The following CTNNA3 variants were observed in gnomAD, a reference collection of about 807,000 sequenced individuals.
CTNNA3 encodes catenin alpha 3.
A neutral mutation model predicts 95.7 loss-of-function variants in CTNNA3; 76 were observed. That is an observed-to-expected ratio of 0.79 (90% CI 0.66 to 0.96). The LOEUF (loss-of-function observed/expected upper bound fraction) is 0.96. CTNNA3 is among the 40% of genes least tolerant of loss of function. The pLI is 0.00. For missense variants in CTNNA3, 1,191 were observed against 1,089.8 expected (o/e 1.09, Z -1.31); for synonymous variants, 431 against 374.4 (o/e 1.15, Z -1.74).
At chr10:67,240,835 G>T (rs753291462) in intron 5 of CTNNA3, among the ~76,000 whole-genome samples, 18 of 151,936 alleles carry the variant, frequency 1.2e-4, no homozygotes, top group African/African-American at 2.4e-4. Context: ...AATGTAGGGG[G>T]GTGTGTGTGC....
intron 1 of CTNNA3, among the ~76,000 whole-genome samples, chr10:67,711,573 A>C (rs7085362): frequency 0.2 from 26,987 of 131,690 alleles, 2,771 homozygotes; most frequent in African/African-American, 0.38. Flanking sequence ...GAAGAAATTT[A>C]TTTATTTATT....
At chr10:67,211,770 G>C (rs918493077) in intron 6 of CTNNA3, among the ~76,000 whole-genome samples, 1 of 152,134 alleles carries the variant, frequency 6.6e-6, no homozygotes, top group Non-Finnish European at 1.5e-5. Flanking sequence ...AAGAGTAATT[G>C]TTGGGAGGGC....
intron 7 of CTNNA3, among the ~76,000 whole-genome samples, chr10:67,078,017 C>T (rs1158685458): frequency 1.3e-5 from 2 of 152,150 alleles, no homozygotes; most frequent in African/African-American, 2.4e-5. Context: ...TTGGATAATT[C>T]TGAGCTAGTA....
intron 5 of CTNNA3, among the ~76,000 whole-genome samples, chr10:67,456,756 A>G (rs1847187664): frequency 6.6e-6 from 1 of 152,160 alleles, no homozygotes; most frequent in African/African-American, 2.4e-5. Context: ...ATAATTTATA[A>G]CACATGTTCT....
chr10:66,805,627 A>G (rs1375061196), intron 7 of CTNNA3, among the ~76,000 whole-genome samples: 2 of 151,858 alleles, frequency 1.3e-5, no homozygotes, highest in East Asian at 3.9e-4. Flanking sequence ...TTTTTCTCAG[A>G]AAATTCAAGC....
At chr10:66,347,197 T>G (rs2092529177) in intron 12 of CTNNA3, among the ~76,000 whole-genome samples, 1 of 152,122 alleles carries the variant, frequency 6.6e-6, no homozygotes, top group Non-Finnish European at 1.5e-5. Context: ...CCAAACATTT[T>G]ATAAGTTTCA....
chr10:67,079,797 G>A (rs1856951337), intron 7 of CTNNA3, among the ~76,000 whole-genome samples: 1 of 151,642 alleles, frequency 6.6e-6, no homozygotes, highest in South Asian at 2.1e-4. Context: ...GCAGTGAGCT[G>A]AGATTGCACC....
intron 10 of CTNNA3, among the ~76,000 whole-genome samples, chr10:66,546,093 T>C (rs2132091631): frequency 6.6e-6 from 1 of 152,022 alleles, no homozygotes; most frequent in Non-Finnish European, 1.5e-5. Flanking sequence ...GGTCCTTAGT[T>C]TTCATGCAGT....
At chr10:66,627,024 A>G (rs1291737929) in intron 9 of CTNNA3, among the ~76,000 whole-genome samples, 1 of 152,112 alleles carries the variant, frequency 6.6e-6, no homozygotes, top group Non-Finnish European at 1.5e-5. Flanking sequence ...TTGAATAGAC[A>G]GTCTTTCCCG....
chr10:66,304,033 A>G (rs569106281), intron 12 of CTNNA3, among the ~76,000 whole-genome samples: 2 of 152,194 alleles, frequency 1.3e-5, no homozygotes, highest in Non-Finnish European at 2.9e-5. Context: ...GATGAAATAT[A>G]TACAACCCAT....
chr10:66,448,616 G>T (rs998020791), intron 11 of CTNNA3, among the ~76,000 whole-genome samples: 14 of 142,360 alleles, frequency 9.8e-5, no homozygotes, highest in Non-Finnish European at 2.0e-4. Context: ...TCATAGGTGG[G>T]AATTGAACAA....
chr10:67,611,985 G>C (rs1843475624), intron 2 of CTNNA3, among the ~76,000 whole-genome samples: 3 of 152,082 alleles, frequency 2.0e-5, no homozygotes, highest in Admixed American at 6.6e-5. Context: ...AAAGTAAAAG[G>C]TACAAACCAG....
intron 13 of CTNNA3, among the ~76,000 whole-genome samples, chr10:66,228,498 A>G (rs2089432590): frequency 6.6e-6 from 1 of 151,930 alleles, no homozygotes; most frequent in African/African-American, 2.4e-5. Flanking sequence ...ATTAATTTCT[A>G]TGTTTATTTC....
intron 11 of CTNNA3, among the ~76,000 whole-genome samples, chr10:66,412,089 A>C (rs1814515576): frequency 6.6e-6 from 1 of 152,200 alleles, no homozygotes; most frequent in Non-Finnish European, 1.5e-5. Context: ...ATCACAATAG[A>C]ACATGAAATC....
intron 17 of CTNNA3, among the ~76,000 whole-genome samples, chr10:65,954,512 G>C (rs552352898): frequency 6.6e-5 from 10 of 152,054 alleles, no homozygotes; most frequent in African/African-American, 2.4e-4. Flanking sequence ...GAGTTTTTAC[G>C]GTTTTAGGTC....
chr10:66,213,740 A>AT (rs949783123), intron 13 of CTNNA3, among the ~76,000 whole-genome samples: 1 of 152,100 alleles, frequency 6.6e-6, no homozygotes, highest in Non-Finnish European at 1.5e-5. Flanking sequence ...TGTAAGACAT[A>AT]TTTAAGGGGG....
In CTNNA3 at chr10:67,105,911, G is replaced by A. The variant is rs577608033; in HGVS notation, c.1047+74406C>T. Among the ~76,000 whole-genome samples, 29 of 152,158 alleles carry A rather than the reference G, an allele frequency of 1.9e-4. 1 individual carries two copies. The South Asian group carries it at 4.3e-3, about 23-fold the overall frequency. ...ATCCTTGTGATGTCAACATTTTTCC[G>A]CCTTTGGATGTGATGGAAACTTAAG... On this transcript the variant is annotated intron_variant, in intron 7 of 17. Transcript: ENST00000433211.
intron 1 of CTNNA3, among the ~76,000 whole-genome samples, chr10:67,674,828 T>C (rs1310689581): frequency 1.3e-5 from 2 of 152,172 alleles, no homozygotes; most frequent in African/African-American, 4.8e-5. Context: ...GAATTCCCTA[T>C]ATATTGTAAA....
chr10:67,437,096 G>T (rs946145766), intron 5 of CTNNA3, among the ~76,000 whole-genome samples: 15 of 152,158 alleles, frequency 9.9e-5, no homozygotes, highest in African/African-American at 2.4e-5. Context: ...TCAATGAGTG[G>T]ATAAAGAAAC....
Sources: allele counts gnomAD v4.1 joint callset (sites outside exome capture counted in the v4.1 genomes callset), GRCh38; gene constraint gnomAD v4.1.1; transcripts MANE v1.5; gene names NCBI Gene and HGNC (gene_info 2026-07-23, HGNC 2026-07-21).